Variants in USP33 observed in about 807,000 individuals in gnomAD.
USP33 encodes ubiquitin carboxyl-terminal hydrolase 33.
Under a neutral mutation model 124.2 loss-of-function variants are expected in USP33, and 46 were observed. The ratio of observed to expected loss-of-function variants is 0.37; its 90% CI spans 0.29 to 0.47. The LOEUF is 0.47. Ranked by LOEUF, USP33 falls within the 20% of genes least tolerant of loss-of-function variation. The pLI is 0.99. For synonymous variants in USP33, 350 were observed against 352.3 expected (o/e 0.99, Z 0.07); for missense variants, 851 against 1,070.6 (o/e 0.79, Z 2.86).
chr1:77,698,021 T>A, intron 22 of USP33, 90 bp from the exon 23 acceptor site: 1 of 921,628 alleles, frequency 1.1e-6, no homozygotes, highest in Non-Finnish European at 1.7e-6. Context: ...GACCTATAAC[T>A]ACATTATCAG....
In USP33 at chr1:77,703,376, C is replaced by T. The variant is rs1274765232; in HGVS notation, c.2407-1905G>A. Among the ~76,000 whole-genome samples the T allele has an allele frequency of 4.6e-5, 7 of 151,992 alleles. No individual in the cohort carries two copies. In the South Asian group the frequency reaches 6.2e-4, roughly 14 times the overall value. On this transcript the variant is annotated intron_variant, in intron 21 of 23. Transcript: ENST00000370794. ...GGCGCAGTGGCTCACGCCTGTAATC[C>T]CAGCACTTTGGAAGGCCAAGGCAGA...
chr1:77,722,882 G>A (rs1269098528), intron 12 of USP33, among the ~76,000 whole-genome samples: 1 of 152,154 alleles, frequency 6.6e-6, no homozygotes, highest in Non-Finnish European at 1.5e-5. Flanking sequence ...CTATGAATTT[G>A]ATACTACCTT....
Position 77,730,703 on chromosome 1 carries a change from A to C in USP33, c.553T>G (p.Cys185Gly). Residue 185 changes from cysteine to glycine, a missense_variant, in exon 8 of 24, where the codon TGT becomes GGT. Physicochemically the swap from Cys to Gly is radical, Grantham distance 159. Transcript: ENST00000370794. ...CPPLTQFFLD[C>G]GGLARTDKKP... The stretch of plus-strand genomic sequence containing the variant: ...TTATCTGTTCGAGCTAGTCCTCCAC[A>C]ATCAAGAAAAAACTGTGTCAAAGGT... 6.3e-7 allele frequency: 1 copy of C among 1,581,750 alleles called. No homozygotes were observed. Among genetic ancestry groups the C allele is most frequent in the Non-Finnish European group, 8.6e-7 (1 of 1,163,060 alleles).
chr1:77,710,233 C>T (rs1451748658), intron 21 of USP33, among the ~76,000 whole-genome samples: 3 of 152,170 alleles, frequency 2.0e-5, no homozygotes, highest in East Asian at 3.9e-4. Flanking sequence ...ATTCTCTTTA[C>T]CCTCTGTGGT....
intron 10 of USP33, among the ~76,000 whole-genome samples, chr1:77,726,503 G>A (rs1677175563): frequency 1.3e-5 from 2 of 151,962 alleles, no homozygotes; most frequent in Admixed American, 1.3e-4. Context: ...AAAATTAGCT[G>A]GGCATGGTGG....
At chr1:77,733,116 G>A (rs1338139488) in intron 7 of USP33, among the ~76,000 whole-genome samples, 3 of 151,764 alleles carry the variant, frequency 2.0e-5, no homozygotes, top group Admixed American at 1.3e-4. Context: ...TTTAACGTCC[G>A]AGCACAGTGG....
intron 5 of USP33, among the ~76,000 whole-genome samples, chr1:77,736,486 A>C (rs1678468605): frequency 6.6e-6 from 1 of 152,226 alleles, no homozygotes; most frequent in Non-Finnish European, 1.5e-5. Flanking sequence ...TCTCCGAAGG[A>C]TACTATCCTA....
intron 21 of USP33, among the ~76,000 whole-genome samples, chr1:77,711,267 C>T (rs181377026): frequency 2.0e-5 from 3 of 152,026 alleles, no homozygotes; most frequent in Admixed American, 6.6e-5. Flanking sequence ...GTGGCTCATG[C>T]CTATAATCCC....
At position 77,759,749 on chromosome 1, in the gene USP33, C is replaced by T. The variant is rs1421574960; in HGVS notation, c.-158G>A. ...CTCAGCTCTCGGAGAGGGGCAGTGT[C>T]GCGTCAGGAGGGCCGGAAAACGGCC... On this transcript the variant is annotated 5_prime_UTR_variant, in exon 1 of 24. Transcript: ENST00000370794. The T allele has an allele frequency of 7.5e-6, 3 of 397,970 alleles. No individual in the cohort carries two copies. Among genetic ancestry groups the T allele is most frequent in the African/African-American group, 6.2e-5 (3 of 48,610 alleles). The allele number at this position is 397,970 out of a possible 1,614,324, so 24.7% of individuals were successfully genotyped here.
At chr1:77,713,561 T>TC (rs1228318302) in intron 19 of USP33, 9 of 221,714 alleles carry the variant, frequency 4.1e-5, no homozygotes, top group Non-Finnish European at 6.1e-5. Context: ...ACTTTTCTTT[T>TC]TTTTTTTTTT....
chr1:77,698,048 G>T, intron 22 of USP33, 117 bp from the exon 23 acceptor site: 1 of 732,012 alleles, frequency 1.4e-6, no homozygotes, highest in South Asian at 2.0e-5. Context: ...TATTTCTCAG[G>T]CAAATTATTA....
At chr1:77,756,172 G>C (rs113263617) in intron 1 of USP33, among the ~76,000 whole-genome samples, 2,222 of 152,084 alleles carry the variant, frequency 0.015, 24 homozygotes, top group Non-Finnish European at 0.022. Flanking sequence ...TGAACTTCTG[G>C]GCTCAAGCAA....
intron 21 of USP33, among the ~76,000 whole-genome samples, chr1:77,704,210 G>A (rs763288021): frequency 3.3e-5 from 5 of 152,150 alleles, no homozygotes; most frequent in Non-Finnish European, 7.3e-5. Flanking sequence ...TGCTTCAATG[G>A]AACAATGAAA....
chr1:77,736,032 A>C, intron 6 of USP33, 24 bp downstream of exon 6: 1 of 1,529,298 alleles, frequency 6.5e-7, no homozygotes, highest in Non-Finnish European at 8.9e-7. Context: ...CCATACAAAG[A>C]AGCGTTACAC....
chr1:77,739,912 T>A (rs952546674), intron 4 of USP33, among the ~76,000 whole-genome samples: 2 of 152,114 alleles, frequency 1.3e-5, no homozygotes, highest in African/African-American at 4.8e-5. Flanking sequence ...AGTGACTAAT[T>A]TATCAATTCT....
intron 15 of USP33, among the ~76,000 whole-genome samples, chr1:77,719,121 G>A (rs1415241371): frequency 2.6e-5 from 4 of 151,980 alleles, no homozygotes; most frequent in African/African-American, 4.8e-5. Context: ...AGCACTTTGG[G>A]AGGCCAAGGC....
rs549322143 is a variant in USP33, at chr1:77,723,641, AGGCTT to A, written c.1277-203_1277-199del. Among the ~76,000 whole-genome samples, 6 of 152,208 alleles carry A rather than the reference AGGCTT, an allele frequency of 3.9e-5. No homozygotes were observed. In the South Asian group the frequency reaches 1.0e-3, roughly 26 times the overall value. On this transcript the variant is annotated intron_variant, in intron 11 of 23. Transcript: ENST00000370794. ...AAAAATAAAAGAAACTAAGCAGACA[AGGCTT>A]AAGATATTTGTTGTTTTTTTTTGTT...
intron 7 of USP33, among the ~76,000 whole-genome samples, chr1:77,731,931 C>T (rs903299079): frequency 5.9e-5 from 9 of 151,548 alleles, no homozygotes; most frequent in Middle Eastern, 3.4e-3. Flanking sequence ...AGCGAAAACC[C>T]ATCTCTACAA....
At chr1:77,711,898 G>T in intron 20 of USP33, 43 bp from the exon 21 acceptor site, 1 of 1,553,784 alleles carries the variant, frequency 6.4e-7, no homozygotes, top group Non-Finnish European at 8.6e-7. Flanking sequence ...TAGGAAGTTT[G>T]TTTCTAACAT....
Sources: allele counts gnomAD v4.1 joint callset (sites outside exome capture counted in the v4.1 genomes callset), GRCh38; gene constraint gnomAD v4.1.1; transcripts MANE v1.5; gene names NCBI Gene and HGNC (gene_info 2026-07-23, HGNC 2026-07-21).